The following SEPTIN14 variants were observed in gnomAD, a reference collection of about 807,000 sequenced individuals.
The protein encoded by SEPTIN14 is septin-14.
A neutral mutation model predicts 53.6 loss-of-function variants in SEPTIN14; 40 were observed. The ratio of observed to expected loss-of-function variants is 0.75; its 90% CI spans 0.58 to 0.97. The LOEUF (loss-of-function observed/expected upper bound fraction) is 0.97. SEPTIN14 is among the 50% of genes least tolerant of loss of function. The pLI is 0.00. For missense variants in SEPTIN14, 471 were observed against 508.2 expected (o/e 0.93, Z 0.70); for synonymous variants, 138 against 166.8 (o/e 0.83, Z 1.33).
intron 2 of SEPTIN14, 118 bp from the exon 3 acceptor site, chr7:55,846,755 C>G: frequency 1.7e-6 from 1 of 572,766 alleles, no homozygotes. Context: ...CTTATCATAC[C>G]TCAGACAAGA....
chr7:55,825,194 G>T (rs1446497607), intron 6 of SEPTIN14, among the ~76,000 whole-genome samples: 5 of 152,014 alleles, frequency 3.3e-5, no homozygotes, highest in African/African-American at 1.2e-4. Context: ...CACAAAAAAA[G>T]ACACAGAGAA....
chr7:55,854,206 T>C (rs1420347452), intron 2 of SEPTIN14, among the ~76,000 whole-genome samples: 4 of 152,158 alleles, frequency 2.6e-5, no homozygotes, highest in Non-Finnish European at 4.4e-5. Context: ...ACTCAATAAG[T>C]GAAAAATATT....
intron 7 of SEPTIN14, chr7:55,811,210 C>T: frequency 1.9e-6 from 1 of 525,566 alleles, no homozygotes. Context: ...TGCCATTCAT[C>T]TTTGCGCAGT....
At chr7:55,830,321 G>GCATATATATA (rs1789078491) in intron 6 of SEPTIN14, among the ~76,000 whole-genome samples, 1 of 84,730 alleles carries the variant, frequency 1.2e-5, no homozygotes, top group African/African-American at 5.5e-5. Flanking sequence ...TTATCCAACT[G>GCATATATATA]TATATATATA....
At chr7:55,820,277 G>C (rs572926751) in intron 6 of SEPTIN14, among the ~76,000 whole-genome samples, 1 of 152,056 alleles carries the variant, frequency 6.6e-6, no homozygotes, top group South Asian at 2.1e-4. Flanking sequence ...CTGAGATTAC[G>C]GGCGTGAGCC....
intron 6 of SEPTIN14, among the ~76,000 whole-genome samples, chr7:55,826,083 AGAGT>A (rs1246393583): frequency 1.3e-5 from 2 of 151,882 alleles, no homozygotes; most frequent in South Asian, 2.1e-4. Context: ...GCCTGGCGAC[AGAGT>A]GAGACTCCGT....
At chr7:55,825,331 G>T (rs1469703995) in intron 6 of SEPTIN14, among the ~76,000 whole-genome samples, 1 of 152,180 alleles carries the variant, frequency 6.6e-6, no homozygotes, top group African/African-American at 2.4e-5. Context: ...GTTGCCAAGG[G>T]TAAAGGGAAA....
intron 8 of SEPTIN14, among the ~76,000 whole-genome samples, chr7:55,806,815 A>T (rs1348928847): frequency 1.3e-5 from 2 of 152,192 alleles, no homozygotes; most frequent in Non-Finnish European, 2.9e-5. Context: ...CAAAAAATGG[A>T]ACAAAATACT....
intron 6 of SEPTIN14, among the ~76,000 whole-genome samples, chr7:55,833,527 G>C (rs955642495): frequency 6.6e-6 from 1 of 151,930 alleles, no homozygotes; most frequent in Non-Finnish European, 1.5e-5. Flanking sequence ...GGCCAACATG[G>C]TGAAACCCTG....
intron 5 of SEPTIN14, among the ~76,000 whole-genome samples, chr7:55,842,396 A>G (rs1302192994): frequency 2.6e-5 from 4 of 151,978 alleles, no homozygotes; most frequent in Non-Finnish European, 5.9e-5. Context: ...CACTTGAGCC[A>G]GAAGTTCAAG....
intron 5 of SEPTIN14, among the ~76,000 whole-genome samples, chr7:55,839,391 G>GA (rs749527309): frequency 0.098 from 8,102 of 82,504 alleles, 431 homozygotes; most frequent in East Asian, 0.33. Context: ...CTCCGTCTCA[G>GA]AAAAAAAAAA....
intron 9 of SEPTIN14, among the ~76,000 whole-genome samples, 168 bp from the exon 10 acceptor site, chr7:55,796,260 T>G (rs987240000): frequency 1.3e-5 from 2 of 152,078 alleles, no homozygotes; most frequent in African/African-American, 4.8e-5. Flanking sequence ...GAATTTTTCT[T>G]TTCTTTCTTT....
At chr7:55,823,267 C>A (rs1788927527) in intron 6 of SEPTIN14, among the ~76,000 whole-genome samples, 1 of 152,118 alleles carries the variant, frequency 6.6e-6, no homozygotes, top group Non-Finnish European at 1.5e-5. Flanking sequence ...TGGGTGGTGC[C>A]TTTGTTTTAA....
intron 6 of SEPTIN14, among the ~76,000 whole-genome samples, chr7:55,832,900 C>T (rs899794068): frequency 6.6e-6 from 1 of 151,950 alleles, no homozygotes; most frequent in Admixed American, 6.6e-5. Context: ...AGGATAGTTA[C>T]ACTAGAAGCC....
intron 5 of SEPTIN14, among the ~76,000 whole-genome samples, chr7:55,840,888 GTTA>G (rs1562716730): frequency 6.6e-6 from 1 of 151,564 alleles, no homozygotes; most frequent in African/African-American, 2.4e-5. Context: ...TTTTGTTGTT[GTTA>G]TTATTTATTT....
At chr7:55,837,661 G>C (rs35640673) in intron 5 of SEPTIN14, among the ~76,000 whole-genome samples, 2 of 151,512 alleles carry the variant, frequency 1.3e-5, no homozygotes, top group East Asian at 2.0e-4. Context: ...TCGGCTCACC[G>C]CAACCTCTGC....
At chr7:55,859,926 T>A (rs1189932736) in intron 2 of SEPTIN14, among the ~76,000 whole-genome samples, 3 of 152,192 alleles carry the variant, frequency 2.0e-5, no homozygotes, top group Non-Finnish European at 4.4e-5. Flanking sequence ...ACGCCTGTAA[T>A]CCCAGCACTT....
intron 6 of SEPTIN14, among the ~76,000 whole-genome samples, chr7:55,833,938 A>G (rs1789158757): frequency 6.6e-6 from 1 of 152,114 alleles, no homozygotes; most frequent in Non-Finnish European, 1.5e-5. Context: ...CAACTTGACA[A>G]CTTAGAAGAA....
At chr7:55,796,340 T>C (rs999482724) in intron 9 of SEPTIN14, among the ~76,000 whole-genome samples, 1 of 151,994 alleles carries the variant, frequency 6.6e-6, no homozygotes, top group Non-Finnish European at 1.5e-5. Context: ...CTCAGCTCAC[T>C]GCAACCTCCA....
Sources: allele counts gnomAD v4.1 joint callset (sites outside exome capture counted in the v4.1 genomes callset), GRCh38; gene constraint gnomAD v4.1.1; transcripts MANE v1.5; gene names NCBI Gene and HGNC (gene_info 2026-07-23, HGNC 2026-07-21).